PNKD: variants seen among roughly 807,000 people sequenced by gnomAD.
The protein encoded by PNKD is probable thioesterase PNKD.
In PNKD, 36 loss-of-function variants were observed where a neutral mutation model predicts 45.3. The observed-to-expected ratio is 0.80, with a 90% CI of 0.61 to 1.05. The LOEUF is 1.05. PNKD is among the 50% of genes least tolerant of loss of function. PNKD has a pLI of 0.00. For synonymous variants in PNKD, 197 were observed against 210.1 expected, an observed-to-expected ratio of 0.94 and a Z score of 0.54; for missense variants, 511 against 506.6, an observed-to-expected ratio of 1.01 and a Z score of -0.08.
chr2:218,303,955 G>A (rs1025798513), intron 2 of PNKD, among the ~76,000 whole-genome samples: 1 of 152,082 alleles, frequency 6.6e-6, no homozygotes, highest in Non-Finnish European at 1.5e-5. Flanking sequence ...CCTGCTTGGA[G>A]CTGGTCCTAT....
chr2:218,323,238 C>G (rs1056617278), intron 2 of PNKD: 7 of 1,461,982 alleles, frequency 4.8e-6, no homozygotes, highest in African/African-American at 4.4e-5. Context: ...ACGCCGAGCC[C>G]CGCCCGGCCG....
rs953818682 is a variant in PNKD, at chr2:218,271,252, T to C, written c.68-129T>C. The C allele has an allele frequency of 9.5e-6, 8 of 846,302 alleles. No individual in the cohort carries two copies. The African/African-American group carries it at 1.2e-4, about 12-fold the overall frequency. 52.4% of individuals were successfully genotyped at this position (846,302 alleles called of 1,614,324 possible). A position where few individuals can be genotyped will look rare whatever the true frequency, so the allele number is the denominator to read the frequency against. ...CCCTTTGGATTCTCCTTGGCACTTC[T>C]TACTTCAGACTGCAGTCACTCCCCT... On this transcript the variant is annotated intron_variant, in intron 1 of 9. Transcript: ENST00000273077.
chr2:218,335,736 A>G (rs1044259014), intron 2 of PNKD, among the ~76,000 whole-genome samples: 2 of 152,250 alleles, frequency 1.3e-5, no homozygotes, highest in African/African-American at 2.4e-5. Context: ...TTGCCAATCA[A>G]TATAAACCCA....
chr2:218,336,075 CGTG>C (rs1694481588), intron 2 of PNKD, among the ~76,000 whole-genome samples: 1 of 151,888 alleles, frequency 6.6e-6, no homozygotes, highest in Non-Finnish European at 1.5e-5. Flanking sequence ...ATTAGCCAGG[CGTG>C]GTGGTGGGTG....
At chr2:218,273,259 ATTTGT>A (rs1690925520) in intron 2 of PNKD, among the ~76,000 whole-genome samples, 1 of 145,650 alleles carries the variant, frequency 6.9e-6, no homozygotes, top group Admixed American at 6.6e-5. Flanking sequence ...CAGTTTCCTC[ATTTGT>A]TTTGTTTTTT....
intron 5 of PNKD, chr2:218,341,027 G>T: frequency 3.4e-6 from 2 of 588,606 alleles, no homozygotes; most frequent in Admixed American, 2.9e-5. Flanking sequence ...CATTTCATGG[G>T]CATGTATTAG....
chr2:218,313,777 C>G (rs2106263426), intron 2 of PNKD, among the ~76,000 whole-genome samples: 1 of 152,240 alleles, frequency 6.6e-6, no homozygotes, highest in Middle Eastern at 3.4e-3. Flanking sequence ...GATGTCCCTA[C>G]AAACCATGTA....
intron 2 of PNKD, among the ~76,000 whole-genome samples, chr2:218,290,694 T>C (rs1374751133): frequency 3.3e-5 from 5 of 152,160 alleles, no homozygotes; most frequent in Non-Finnish European, 7.3e-5. Context: ...AAGTGGGAGC[T>C]CATTAATATC....
In PNKD at chr2:218,339,839, G is replaced by T. The variant is rs201495280; in HGVS notation, c.293G>T (p.Arg98Leu). Residue 98 changes from arginine (R) to leucine (L), a missense_variant, in exon 3 of 10, where the codon CGC becomes CTC. Physicochemically the swap from Arg to Leu is moderately radical, Grantham distance 102. Coordinates refer to ENST00000273077, the MANE Select transcript of PNKD (RefSeq NM_015488.5). ...TACCTCTTCTACCGACAGCAGCTGC[G>T]CAGGGCTCGGAATCGCTACCCTAAA... Reference protein sequence around the residue: ...LGYLFYRQQLRRARNRYPKGH... With the variant: ...LGYLFYRQQLLRARNRYPKGH... 148 of 1,613,468 alleles carry T rather than the reference G, an allele frequency of 9.2e-5. No individual in the cohort carries two copies. The Middle Eastern group carries it at 4.1e-3, about 45-fold the overall frequency.
intron 2 of PNKD, chr2:218,272,747 T>C (rs764807276): frequency 4.3e-6 from 7 of 1,614,066 alleles, no homozygotes; most frequent in Non-Finnish European, 5.9e-6. Flanking sequence ...ATGTTGGGTC[T>C]GGGGTGCAGA....
intron 2 of PNKD, among the ~76,000 whole-genome samples, chr2:218,322,869 G>A (rs998430938): frequency 5.3e-5 from 8 of 152,228 alleles, no homozygotes; most frequent in Admixed American, 2.0e-4. Context: ...TCCATGAATG[G>A]CAGCTGACCC....
intron 2 of PNKD, among the ~76,000 whole-genome samples, chr2:218,329,548 C>T (rs1359096006): frequency 6.6e-6 from 1 of 152,252 alleles, no homozygotes; most frequent in East Asian, 1.9e-4. Context: ...GCAGCCCCTC[C>T]CCTTCCGTCA....
At chr2:218,319,627 G>A (rs1372779331) in intron 2 of PNKD, among the ~76,000 whole-genome samples, 1 of 152,152 alleles carries the variant, frequency 6.6e-6, no homozygotes, top group African/African-American at 2.4e-5. Flanking sequence ...GCCCACCTCA[G>A]CCTCCCAAAG....
chr2:218,318,254 T>A (rs960021935), intron 2 of PNKD: 7 of 152,302 alleles, frequency 4.6e-5, no homozygotes, highest in Admixed American at 3.9e-4. Flanking sequence ...ACCTGCATGA[T>A]CGCCAGGCAC....
intron 2 of PNKD, among the ~76,000 whole-genome samples, chr2:218,283,074 A>C (rs1488087418): frequency 6.6e-6 from 1 of 152,158 alleles, no homozygotes; most frequent in African/African-American, 2.4e-5. Context: ...TTCCAGGTGC[A>C]GTGCTAGCAG....
intron 2 of PNKD, among the ~76,000 whole-genome samples, chr2:218,316,268 CTTTTTTT>C (rs397972881): frequency 0.044 from 5,317 of 119,558 alleles, 119 homozygotes; most frequent in African/African-American, 0.06. Context: ...TTCTTTCTTT[CTTTTTTT>C]TTTTTTTTTT....
At chr2:218,311,597 T>C (rs1282720652) in intron 2 of PNKD, among the ~76,000 whole-genome samples, 5 of 152,200 alleles carry the variant, frequency 3.3e-5, no homozygotes, top group Non-Finnish European at 7.3e-5. Context: ...CATCTCAGTG[T>C]AGCAAAGAGC....
At chr2:218,305,319 G>GGA (rs1693377858) in intron 2 of PNKD, among the ~76,000 whole-genome samples, 1 of 151,926 alleles carries the variant, frequency 6.6e-6, no homozygotes. Flanking sequence ...TTGCCTACAG[G>GGA]GAGAGCTCAG....
At chr2:218,310,124 GC>G (rs1693559061) in intron 2 of PNKD, among the ~76,000 whole-genome samples, 1 of 152,092 alleles carries the variant, frequency 6.6e-6, no homozygotes, top group Non-Finnish European at 1.5e-5. Context: ...GTCCAAGATG[GC>G]GTCTGTGGTT....
Sources: gnomAD v4.1 joint callset for allele counts (sites outside exome capture counted in the v4.1 genomes callset) on GRCh38, gnomAD v4.1.1 for gene constraint, MANE v1.5 for transcripts, NCBI Gene and HGNC (gene_info 2026-07-23, HGNC 2026-07-21) for gene names.